Variants in HECTD2 observed in about 807,000 individuals in gnomAD.
HECTD2 encodes HECT domain E3 ubiquitin protein ligase 2.
In HECTD2, 35 loss-of-function variants were observed where a neutral mutation model predicts 103.2. The ratio of observed to expected loss-of-function variants is 0.34; its 90% CI spans 0.26 to 0.45. The LOEUF is 0.45. HECTD2 is among the 20% of genes least tolerant of loss of function. HECTD2 has a pLI of 1.00. For missense variants in HECTD2, 596 were observed against 937.4 expected (o/e 0.64, Z 4.76); for synonymous variants, 281 against 329.9 (o/e 0.85, Z 1.61).
At position 91,484,592 on chromosome 10, in the gene HECTD2, T is replaced by C. The variant is rs1346138203; in HGVS notation, c.907T>C (p.Phe303Leu). ...LRLFPAKPEE[F>L]PPITKCSWWI... is the part of the protein sequence containing the mutation. ...CCTGTTTCCTGCAAAGCCTGAAGAA[T>C]TTCCACCTATAACAAAGTGTTCCTG... Residue 303 changes from phenylalanine to leucine, a missense_variant, in exon 9 of 21, where the codon TTT becomes CTT. Transcript: ENST00000298068. 4 of 1,612,566 alleles carry C rather than the reference T, an allele frequency of 2.5e-6. No homozygotes were observed. In the South Asian group the frequency reaches 4.4e-5, roughly 18 times the overall value.
rs906554397 is a variant in HECTD2, at chr10:91,500,532, G to A, written c.1981G>A (p.Val661Ile). ...LLRPEEVEIL[V>I]CGSPDLDMHA... ...TCGTCCAGAAGAGGTTGAAATTTTG[G>A]TCTGTGGAAGTCCTGACCTGGATAT... The change falls in exon 19 of 21, where the codon GTC becomes ATC. Residue 661 changes from valine (V) to isoleucine (I), a missense_variant. By Grantham distance (29) the Val-to-Ile change is conservative. Coordinates refer to ENST00000298068, the MANE Select transcript of HECTD2 (RefSeq NM_182765.6). 1 of 1,609,316 alleles carries A rather than the reference G, an allele frequency of 6.2e-7. No homozygotes were observed. The highest frequency in any genetic ancestry group is 1.1e-5 in the South Asian group (1 of 90,938).
chr10:91,422,059 A>G (rs573520766), intron 1 of HECTD2, among the ~76,000 whole-genome samples: 1 of 152,166 alleles, frequency 6.6e-6, no homozygotes, highest in South Asian at 2.1e-4. Flanking sequence ...TCTATTCCCT[A>G]GACTGCTACC....
intron 2 of HECTD2, among the ~76,000 whole-genome samples, chr10:91,452,627 A>G (rs1844885604): frequency 6.6e-6 from 1 of 151,994 alleles, no homozygotes; most frequent in African/African-American, 2.4e-5. Flanking sequence ...TATTTGAGCT[A>G]GCATACTCAG....
intron 2 of HECTD2, among the ~76,000 whole-genome samples, chr10:91,449,161 TC>T (rs1844670664): frequency 6.6e-6 from 1 of 152,044 alleles, no homozygotes; most frequent in Non-Finnish European, 1.5e-5. Context: ...TAGCAGCGCA[TC>T]AAAAAGCTCA....
At chr10:91,421,033 T>TCC (rs545518389) in intron 1 of HECTD2, among the ~76,000 whole-genome samples, 3 of 151,976 alleles carry the variant, frequency 2.0e-5, no homozygotes, top group African/African-American at 7.3e-5. Context: ...TTTGCATTCT[T>TCC]CCCCCCCTCA....
intron 2 of HECTD2, among the ~76,000 whole-genome samples, chr10:91,440,782 G>A (rs548244486): frequency 5.6e-4 from 18 of 32,324 alleles, no homozygotes; most frequent in Middle Eastern, 0.012. Flanking sequence ...TCAGAGATTC[G>A]ACTTCTTCCT....
At chr10:91,485,454 A>G in intron 10 of HECTD2, 151 bp downstream of exon 10, 1 of 558,854 alleles carries the variant, frequency 1.8e-6, no homozygotes, top group Non-Finnish European at 2.9e-6. Flanking sequence ...TATTTATTAA[A>G]GTATTTTCTT....
At chr10:91,450,471 A>C (rs1248159756) in intron 2 of HECTD2, among the ~76,000 whole-genome samples, 1 of 152,190 alleles carries the variant, frequency 6.6e-6, no homozygotes, top group Non-Finnish European at 1.5e-5. Context: ...GTGGGCAAAG[A>C]CTTCACGGCT....
intron 20 of HECTD2, among the ~76,000 whole-genome samples, chr10:91,509,582 T>C (rs1269782191): frequency 6.6e-6 from 1 of 152,152 alleles, no homozygotes; most frequent in Non-Finnish European, 1.5e-5. Flanking sequence ...ATATATACCA[T>C]GGAATACTAT....
At chr10:91,455,416 G>A (rs1192562910) in intron 2 of HECTD2, among the ~76,000 whole-genome samples, 1 of 151,930 alleles carries the variant, frequency 6.6e-6, no homozygotes, top group Non-Finnish European at 1.5e-5. Context: ...TGTTGATGGG[G>A]TTGTTTGTTT....
intron 5 of HECTD2, among the ~76,000 whole-genome samples, chr10:91,475,375 G>A (rs1243300500): frequency 1.3e-5 from 2 of 152,194 alleles, no homozygotes; most frequent in East Asian, 1.9e-4. Context: ...AGTGGATGCT[G>A]TTGCCATTTA....
chr10:91,469,099 T>C (rs1346420502), intron 5 of HECTD2, among the ~76,000 whole-genome samples: 3 of 152,076 alleles, frequency 2.0e-5, no homozygotes, highest in Admixed American at 2.0e-4. Flanking sequence ...CCAAGAAATA[T>C]GGGATTATGT....
chr10:91,501,377 T>A (rs1846893018), intron 20 of HECTD2, 43 bp downstream of exon 20: 1 of 1,155,924 alleles, frequency 8.7e-7, no homozygotes, highest in African/African-American at 1.6e-5. Context: ...TAAAGGTTAC[T>A]GCTAATACTG....
intron 2 of HECTD2, among the ~76,000 whole-genome samples, chr10:91,455,594 A>G (rs1377307765): frequency 6.6e-6 from 1 of 152,140 alleles, no homozygotes; most frequent in East Asian, 1.9e-4. Context: ...CCATTTGTCA[A>G]TTTTGGCTTT....
chr10:91,443,764 C>A (rs190646114), intron 2 of HECTD2, among the ~76,000 whole-genome samples: 1 of 152,174 alleles, frequency 6.6e-6, no homozygotes, highest in Non-Finnish European at 1.5e-5. Flanking sequence ...CAAAATACTA[C>A]GAAACACTCT....
At chr10:91,491,952 C>T (rs757593989) in intron 12 of HECTD2, among the ~76,000 whole-genome samples, 5 of 152,298 alleles carry the variant, frequency 3.3e-5, no homozygotes, top group Non-Finnish European at 7.4e-5. Context: ...TCAAGCCATA[C>T]TCCTACCTCA....
intron 5 of HECTD2, 147 bp downstream of exon 5, chr10:91,462,331 G>A: frequency 1.8e-6 from 2 of 1,115,562 alleles, no homozygotes; most frequent in Non-Finnish European, 2.3e-6. Flanking sequence ...TTCTCATAAA[G>A]TTAGATTATT....
chr10:91,462,211 T>G, intron 5 of HECTD2, 27 bp downstream of exon 5: 1 of 1,550,954 alleles, frequency 6.4e-7, no homozygotes, highest in Non-Finnish European at 8.7e-7. Flanking sequence ...GCAAGTAATA[T>G]TATTCTGTGT....
intron 4 of HECTD2, among the ~76,000 whole-genome samples, chr10:91,461,585 G>A (rs1378053405): frequency 6.6e-6 from 1 of 152,084 alleles, no homozygotes; most frequent in East Asian, 1.9e-4. Flanking sequence ...GTCTCACTCT[G>A]TTGCCCAGGC....
Sources: gnomAD v4.1 joint callset for allele counts (sites outside exome capture counted in the v4.1 genomes callset) on GRCh38, gnomAD v4.1.1 for gene constraint, MANE v1.5 for transcripts, NCBI Gene and HGNC (gene_info 2026-07-23, HGNC 2026-07-21) for gene names.